EPHA7: variants seen among roughly 807,000 people sequenced by gnomAD.
EPHA7 encodes the protein EPH receptor A7, also known as ephrin type-A receptor 7.
A neutral mutation model predicts 112.6 loss-of-function variants in EPHA7; 25 were observed. The ratio of observed to expected loss-of-function variants is 0.22; its 90% CI spans 0.16 to 0.31. The LOEUF is 0.31. Ranked by LOEUF, EPHA7 falls within the 10% of genes least tolerant of loss-of-function variation. The pLI is 1.00. For synonymous variants in EPHA7, 437 were observed against 406.5 expected (o/e 1.07, Z -0.90); for missense variants, 962 against 1,212.6 (o/e 0.79, Z 3.07).
intron 3 of EPHA7, among the ~76,000 whole-genome samples, chr6:93,396,471 T>A (rs1778177912): frequency 6.6e-6 from 1 of 151,910 alleles, no homozygotes; most frequent in African/African-American, 2.4e-5. Flanking sequence ...AAAGATGCTA[T>A]AACGATATAA....
At chr6:93,252,314 C>G (rs373675) in intron 14 of EPHA7, among the ~76,000 whole-genome samples, 14,690 of 151,926 alleles carry the variant, frequency 0.097, 796 homozygotes, top group Admixed American at 0.14. Context: ...AAATCCCTGA[C>G]AAATTCCTAG....
At position 93,269,679 on chromosome 6, in the gene EPHA7, G is replaced by T. The variant is rs772995709; in HGVS notation, c.1450-19C>A. The T allele has an allele frequency of 6.8e-7, 1 of 1,479,546 alleles. No individual in the cohort carries two copies. Among genetic ancestry groups the T allele is most frequent in the Non-Finnish European group, 9.0e-7 (1 of 1,114,700 alleles). 91.7% of individuals were successfully genotyped at this position (1,479,546 alleles called of 1,614,324 possible). ...TTTGATCCTAGAAACAATATTTAGA[G>T]GAAATATTTAATTGTGATTGCAACC... is the stretch of plus-strand genomic sequence containing the variant. On this transcript the variant is annotated intron_variant, in intron 6 of 16. Coordinates refer to ENST00000369303, the MANE Select transcript of EPHA7 (RefSeq NM_004440.4).
intron 5 of EPHA7, among the ~76,000 whole-genome samples, chr6:93,286,157 C>T (rs1241830545): frequency 2.0e-5 from 3 of 152,076 alleles, no homozygotes; most frequent in African/African-American, 7.2e-5. Context: ...CACACACACA[C>T]ACACACACCC....
At chr6:93,412,108 C>T (rs1019031315) in intron 2 of EPHA7, among the ~76,000 whole-genome samples, 5 of 151,904 alleles carry the variant, frequency 3.3e-5, no homozygotes, top group African/African-American at 1.2e-4. Flanking sequence ...ATCTTAAAAG[C>T]CTAAATGAAT....
At chr6:93,277,357 C>A (rs1246082699) in intron 5 of EPHA7, among the ~76,000 whole-genome samples, 2 of 151,904 alleles carry the variant, frequency 1.3e-5, no homozygotes, top group African/African-American at 2.4e-5. Context: ...TGTAACACAG[C>A]AATTCTATTT....
At chr6:93,283,640 C>T (rs562388724) in intron 5 of EPHA7, among the ~76,000 whole-genome samples, 75 of 152,082 alleles carry the variant, frequency 4.9e-4, no homozygotes, top group Middle Eastern at 3.4e-3. Context: ...GCTTCACTCC[C>T]GAAGCCAGCG....
At chr6:93,412,485 G>A (rs1779024627) in intron 2 of EPHA7, among the ~76,000 whole-genome samples, 1 of 152,048 alleles carries the variant, frequency 6.6e-6, no homozygotes, top group African/African-American at 2.4e-5. Context: ...TATTTGGTGT[G>A]ATTTTGTTAT....
At chr6:93,396,267 T>C (rs1183100426) in intron 3 of EPHA7, among the ~76,000 whole-genome samples, 1 of 151,914 alleles carries the variant, frequency 6.6e-6, no homozygotes, top group Non-Finnish European at 1.5e-5. Context: ...TACAGAACTA[T>C]TCAGTAGGTA....
chr6:93,386,898 C>CCCTA (rs1286785403), intron 3 of EPHA7, among the ~76,000 whole-genome samples: 5 of 152,052 alleles, frequency 3.3e-5, no homozygotes, highest in Non-Finnish European at 7.4e-5. Flanking sequence ...GGCACCAAGT[C>CCCTA]CCTAGGCTGC....
At chr6:93,324,856 A>G (rs530491260) in intron 5 of EPHA7, among the ~76,000 whole-genome samples, 1 of 151,666 alleles carries the variant, frequency 6.6e-6, no homozygotes, top group African/African-American at 2.4e-5. Context: ...GTTTCTGTGT[A>G]TTCATAGTAA....
chr6:93,282,952 T>C (rs1771837557), intron 5 of EPHA7, among the ~76,000 whole-genome samples: 1 of 152,136 alleles, frequency 6.6e-6, no homozygotes, highest in Non-Finnish European at 1.5e-5. Context: ...TTCTCCACCG[T>C]GCCTAGTCCC....
At chr6:93,332,832 A>AT (rs1456709843) in intron 5 of EPHA7, among the ~76,000 whole-genome samples, 1 of 151,770 alleles carries the variant, frequency 6.6e-6, no homozygotes. Context: ...GCTCAAATTC[A>AT]TCAAAATAAT....
chr6:93,326,412 T>C (rs944154140), intron 5 of EPHA7, among the ~76,000 whole-genome samples: 7 of 151,524 alleles, frequency 4.6e-5, no homozygotes, highest in African/African-American at 1.5e-4. Context: ...TATACGAAGA[T>C]AGTTTCTTGT....
At chr6:93,246,679 G>T in intron 15 of EPHA7, 113 bp downstream of exon 15, 1 of 877,044 alleles carries the variant, frequency 1.1e-6, no homozygotes, top group Non-Finnish European at 1.8e-6. Flanking sequence ...TTTAATATGA[G>T]TTTATACGTC....
intron 12 of EPHA7, among the ~76,000 whole-genome samples, chr6:93,256,643 A>G (rs1289032302): frequency 2.0e-5 from 3 of 152,094 alleles, no homozygotes; most frequent in Non-Finnish European, 4.4e-5. Flanking sequence ...ACTGTTTGCA[A>G]CCAGACTGGC....
chr6:93,403,737 A>T (rs550589046), intron 3 of EPHA7, among the ~76,000 whole-genome samples: 1 of 152,144 alleles, frequency 6.6e-6, no homozygotes, highest in African/African-American at 2.4e-5. Context: ...TTTTAAGGAA[A>T]GGCAGAATTT....
chr6:93,383,257 G>T (rs1777433722), intron 3 of EPHA7, among the ~76,000 whole-genome samples: 1 of 128,496 alleles, frequency 7.8e-6, no homozygotes, highest in African/African-American at 3.1e-5. Flanking sequence ...GACTTATATT[G>T]GAACTCGTGT....
chr6:93,355,642 A>G (rs1490928773), intron 5 of EPHA7, among the ~76,000 whole-genome samples: 2 of 152,198 alleles, frequency 1.3e-5, no homozygotes, highest in Non-Finnish European at 2.9e-5. Context: ...GAAAAGACTG[A>G]GAAAGCCCCT....
intron 5 of EPHA7, among the ~76,000 whole-genome samples, chr6:93,315,605 T>C (rs1773767372): frequency 6.6e-6 from 1 of 152,198 alleles, no homozygotes; most frequent in African/African-American, 2.4e-5. Flanking sequence ...TTGAAAAATC[T>C]CTGTAACATT....
Sources: gnomAD v4.1 joint callset for allele counts (sites outside exome capture counted in the v4.1 genomes callset) on GRCh38, gnomAD v4.1.1 for gene constraint, MANE v1.5 for transcripts, NCBI Gene and HGNC (gene_info 2026-07-23, HGNC 2026-07-21) for gene names.